The following DSP variants were observed in gnomAD, a reference collection of about 807,000 sequenced individuals.
DSP encodes desmoplakin, also known as 250/210 kDa paraneoplastic pemphigus antigen.
A neutral mutation model predicts 290.6 loss-of-function variants in DSP; 114 were observed. The ratio of observed to expected loss-of-function variants is 0.39; its 90% CI spans 0.34 to 0.46. The LOEUF (loss-of-function observed/expected upper bound fraction) is 0.46. DSP is among the 20% of genes least tolerant of loss of function. DSP has a pLI of 0.99. For missense variants in DSP, 3,230 were observed against 3,495.8 expected (o/e 0.92, Z 1.92); for synonymous variants, 1,311 against 1,316.4 (o/e 1.00, Z 0.09).
chr6:7,572,150 A>T, intron 15 of DSP, 82 bp downstream of exon 15: 2 of 1,255,438 alleles, frequency 1.6e-6, no homozygotes, highest in Non-Finnish European at 2.3e-6. Context: ...CCTGGTTTAA[A>T]TGTTTGTAGG....
chr6:7,554,926 A>G (rs1358782429), intron 1 of DSP, among the ~76,000 whole-genome samples: 1 of 152,104 alleles, frequency 6.6e-6, no homozygotes, highest in African/African-American at 2.4e-5. Context: ...AAGCACTGGG[A>G]TTACAGGTGT....
At chr6:7,557,595 A>G (rs143737514) in intron 2 of DSP, among the ~76,000 whole-genome samples, 3,576 of 152,258 alleles carry the variant, frequency 0.023, 133 homozygotes, top group African/African-American at 0.081. Flanking sequence ...CAGGAGAATC[A>G]CTTGAATCCA....
intron 2 of DSP, among the ~76,000 whole-genome samples, chr6:7,557,183 TTTTG>T (rs1758527850): frequency 6.6e-6 from 1 of 152,232 alleles, no homozygotes; most frequent in Middle Eastern, 3.2e-3. Context: ...AGCTTTCTGT[TTTTG>T]TTTTTCTGAA....
intron 2 of DSP, among the ~76,000 whole-genome samples, chr6:7,556,613 A>G (rs188124324): frequency 6.6e-6 from 1 of 152,226 alleles, no homozygotes; most frequent in Non-Finnish European, 1.5e-5. Context: ...AATAGCCTAC[A>G]TTTGAAACAG....
At chr6:7,564,163 C>T (rs1280697310) in intron 6 of DSP, among the ~76,000 whole-genome samples, 2 of 152,202 alleles carry the variant, frequency 1.3e-5, no homozygotes, top group Admixed American at 6.5e-5. Flanking sequence ...ACATAAATGG[C>T]ACTTGTTAAG....
At chr6:7,545,688 G>T (rs11754974) in intron 1 of DSP, among the ~76,000 whole-genome samples, 20,660 of 152,264 alleles carry the variant, frequency 0.14, 1,586 homozygotes, top group Non-Finnish European at 0.17. Flanking sequence ...GAATGCACAG[G>T]AGGGGTGTAC....
chr6:7,561,501 C>T (rs1758691137), intron 4 of DSP, among the ~76,000 whole-genome samples: 1 of 152,146 alleles, frequency 6.6e-6, no homozygotes, highest in Non-Finnish European at 1.5e-5. Flanking sequence ...AGGAGGCAGG[C>T]ACTCCTGAGC....
chr6:7,585,555 C>T lies in DSP; in HGVS notation c.8293C>T (p.Gln2765Ter). 3 of 1,614,148 alleles carry T rather than the reference C, an allele frequency of 1.9e-6. No homozygotes were observed. Among genetic ancestry groups the T allele is most frequent in the Non-Finnish European group, 2.5e-6 (3 of 1,180,032 alleles). The change falls in exon 24 of 24, where the codon CAA becomes TAA. Residue 2765 changes from glutamine to a stop codon, truncating the protein, a stop_gained. Coordinates refer to ENST00000379802, the MANE Select transcript of DSP (RefSeq NM_004415.4). LOFTEE classifies it high-confidence loss of function. ...AGATGGCCGCGCCGCACAGAGGCTG[C>T]AAGACACCAGCAGCTATGCCAAAAT... is the stretch of plus-strand genomic sequence containing the variant. ...FIDGRAAQRL[Q>*]DTSSYAKILT...
rs545082646 is a variant in DSP at position 7,551,745 on chromosome 6, G to A, written c.171-3973G>A. ...TGACATCAGACTGACCCGATGGGTC[G>A]AAATCATTTCCGCTGAACTTCCTCC... is the stretch of plus-strand genomic sequence containing the variant. On this transcript the variant is annotated intron_variant, in intron 1 of 23. Coordinates refer to ENST00000379802, the MANE Select transcript of DSP (RefSeq NM_004415.4). Among the ~76,000 whole-genome samples, 25 of 152,298 alleles carry A rather than the reference G, an allele frequency of 1.6e-4. No individual in the cohort carries two copies. The South Asian group carries it at 5.2e-3, about 32-fold the overall frequency.
chr6:7,550,450 G>GT (rs1399097025), intron 1 of DSP, among the ~76,000 whole-genome samples: 1 of 152,068 alleles, frequency 6.6e-6, no homozygotes, highest in Non-Finnish European at 1.5e-5. Context: ...AAAGAAAAAT[G>GT]TTTTTTTAAA....
chr6:7,580,457 C>A lies in DSP; in HGVS notation c.4267C>A (p.Leu1423Ile). Residue 1423 changes from leucine to isoleucine, a missense_variant, in exon 23 of 24, where the codon CTC (leucine) becomes ATC (isoleucine). By Grantham distance (5) the Leu-to-Ile change is conservative. Coordinates refer to ENST00000379802, the MANE Select transcript of DSP (RefSeq NM_004415.4). The surrounding 1 kb of genome is among the most constrained non-coding windows in gnomAD (Gnocchi z 4.2). ...KNTLTQTTEN[L>I]RRVEEDIQQQ... ...CACTCTAACCCAGACCACAGAGAAT[C>A]TCAGGAGGGTGGAAGAAGACATCCA... 1.2e-6 allele frequency: 2 copies of A among 1,614,000 alleles called. No homozygotes were observed. The highest frequency in any genetic ancestry group is 1.7e-6 in the Non-Finnish European group (2 of 1,180,004).
intron 11 of DSP, among the ~76,000 whole-genome samples, chr6:7,568,980 C>G (rs1424815708): frequency 6.6e-6 from 1 of 152,126 alleles, no homozygotes; most frequent in Non-Finnish European, 1.5e-5. Flanking sequence ...TAAAATGTAG[C>G]TCACTTCATG....
chr6:7,560,034 A>C (rs189298682), intron 4 of DSP, among the ~76,000 whole-genome samples: 16 of 152,298 alleles, frequency 1.1e-4, no homozygotes, highest in Admixed American at 1.0e-3. Flanking sequence ...ATTTTTCAAG[A>C]CTAATGATTG....
rs1451086273 is a variant in DSP at position 7,568,550 on chromosome 6, C to T, written c.1380C>T (p.Pro460=). ...ACCCAGACTACAGAAGCAATAAACCCATTATTCTCAGAGCTCTCTGTGACT... is the reference window on the plus strand; with the variant it reads ...ACCCAGACTACAGAAGCAATAAACCTATTATTCTCAGAGCTCTCTGTGACT... The part of the protein sequence containing the change: ...PRNPDYRSNK[P]IILRALCDYK... The change falls in exon 11 of 24, where the codon CCC becomes CCT. Residue 460 remains proline, a synonymous_variant. Coordinates refer to ENST00000379802, the MANE Select transcript of DSP (RefSeq NM_004415.4). 6.2e-7 allele frequency: 1 copy of T among 1,614,032 alleles called. No homozygotes were observed.
At position 7,582,550 on chromosome 6, in the gene DSP, A is replaced by T; in HGVS notation, c.5380-92A>T. 1 of 1,102,760 alleles carries T rather than the reference A, an allele frequency of 9.1e-7. No individual in the cohort carries two copies. Among genetic ancestry groups the T allele is most frequent in the South Asian group, 1.4e-5 (1 of 71,210 alleles). 68.3% of individuals were successfully genotyped at this position (1,102,760 alleles called of 1,614,324 possible). A position where few individuals can be genotyped will look rare whatever the true frequency, so the allele number is the denominator to read the frequency against. Reference sequence around the variant, plus strand: ...AAATAAGCAAGGCTTTTTTTTTTAAAGATAGATACACAAAAGAAAGTTAAG... The same window carrying T: ...AAATAAGCAAGGCTTTTTTTTTTAATGATAGATACACAAAAGAAAGTTAAG... On this transcript the variant is annotated intron_variant, in intron 23 of 23. Transcript: ENST00000379802. This position sits in a 1 kb window ranked among gnomAD's most constrained non-coding sequence, Gnocchi z 4.2.
chr6:7,574,144 T>G lies in DSP; in HGVS notation c.2189T>G (p.Leu730Arg). 1 of 1,614,152 alleles carries G rather than the reference T, an allele frequency of 6.2e-7. No individual in the cohort carries two copies. Among genetic ancestry groups the G allele is most frequent in the Non-Finnish European group, 8.5e-7 (1 of 1,179,994 alleles). Residue 730 changes from leucine (L) to arginine (R), a missense_variant, in exon 16 of 24, where the codon CTT (leucine) becomes CGT (arginine). Transcript: ENST00000379802. ...AEVLNQLKDM[L>R]ANFRGSEKYC... The stretch of plus-strand genomic sequence containing the variant: ...GTTCTCAACCAGCTTAAAGATATGC[T>G]TGCCAACTTCAGAGGTTCTGAAAAG...
At chr6:7,573,160 A>G (rs113723155) in intron 15 of DSP, among the ~76,000 whole-genome samples, 2 of 151,912 alleles carry the variant, frequency 1.3e-5, no homozygotes, top group African/African-American at 2.4e-5. Context: ...GTATGTACAT[A>G]TGTGTGTGTG....
intron 11 of DSP, 118 bp from the exon 12 acceptor site, chr6:7,569,068 G>GA: frequency 7.1e-7 from 1 of 1,407,948 alleles, no homozygotes; most frequent in Non-Finnish European, 9.8e-7. Flanking sequence ...CATTTGAGGG[G>GA]AAAAACGTAA....
chr6:7,554,125 A>ACACACACACACACACG (rs772041102), intron 1 of DSP, among the ~76,000 whole-genome samples: 1 of 144,400 alleles, frequency 6.9e-6, no homozygotes. Flanking sequence ...ACACACACAC[A>ACACACACACACACACG]CCCAGTTGGT....
Sources: gnomAD v4.1 joint callset for allele counts (sites outside exome capture counted in the v4.1 genomes callset) on GRCh38, gnomAD v4.1.1 for gene constraint, Gnocchi (gnomAD v3.1) non-coding constraint, MANE v1.5 for transcripts, NCBI Gene and HGNC (gene_info 2026-07-23, HGNC 2026-07-21) for gene names.